ACBD6: variants seen among roughly 807,000 people sequenced by gnomAD.
The protein encoded by ACBD6 is acyl-CoA binding domain containing 6.
A neutral mutation model predicts 37.2 loss-of-function variants in ACBD6; 28 were observed. That is an observed-to-expected ratio of 0.75 (90% CI 0.56 to 1.03). The LOEUF (loss-of-function observed/expected upper bound fraction) is 1.03. ACBD6 is among the 50% of genes least tolerant of loss of function. ACBD6 has a pLI of 0.00. For synonymous variants in ACBD6, 113 were observed against 126.8 expected (o/e 0.89, Z 0.73); for missense variants, 340 against 337.4 (o/e 1.01, Z -0.06).
chr1:180,389,863 TG>T (rs1654002935), intron 6 of ACBD6, among the ~76,000 whole-genome samples: 1 of 152,208 alleles, frequency 6.6e-6, no homozygotes, highest in African/African-American at 2.4e-5. Flanking sequence ...GTTTTTTTCT[TG>T]TAAATTGGTT....
intron 5 of ACBD6, among the ~76,000 whole-genome samples, chr1:180,402,774 C>T (rs1046199663): frequency 6.7e-6 from 1 of 149,710 alleles, no homozygotes; most frequent in Non-Finnish European, 1.5e-5. Flanking sequence ...CTCCAGCCTA[C>T]GCAACACAGT....
At chr1:180,273,775 A>C (rs1272016695) in intron 11 of ACBD6, 1 of 247,614 alleles carries the variant, frequency 4.0e-6, no homozygotes, top group Non-Finnish European at 8.0e-6. Flanking sequence ...AATCAACTAA[A>C]CCAAGCCCTT....
Position 180,382,125 on chromosome 1 carries a change from A to G in ACBD6, c.663+15391T>C, listed in dbSNP as rs904919405. ...ACAAGACTGCATCTCAAAAAAAAAA[A>G]AAAAGAAAAGAAAAGGAGAAACAAG... On this transcript the variant is annotated intron_variant, in intron 6 of 7. Transcript: ENST00000367595. 2.6e-5 allele frequency among the ~76,000 whole-genome samples: 4 copies of G among 151,354 alleles called. 1 individual carries two copies. The highest frequency in any genetic ancestry group is 9.7e-5 in the African/African-American group (4 of 41,316).
At chr1:180,473,320 G>A (rs1037171172) in intron 3 of ACBD6, among the ~76,000 whole-genome samples, 1 of 150,574 alleles carries the variant, frequency 6.6e-6, no homozygotes, top group Non-Finnish European at 1.5e-5. Context: ...AGTGGCGGGC[G>A]CCTGTAGTCC....
chr1:180,461,335 A>G (rs1650138025), intron 3 of ACBD6, among the ~76,000 whole-genome samples: 1 of 152,210 alleles, frequency 6.6e-6, no homozygotes, highest in South Asian at 2.1e-4. Flanking sequence ...ATTTCAGGAT[A>G]TCATCCTTGA....
rs576222855 is a variant in ACBD6 at position 180,362,775 on chromosome 1, C to T, written c.663+34741G>A. Among the ~76,000 whole-genome samples, 196 of 151,382 alleles carry T rather than the reference C, an allele frequency of 1.3e-3. 5 individuals carry two copies. The South Asian group carries it at 0.039, about 30-fold the overall frequency. ...ATACTACTAATTTTAAAAAGACAAA[C>T]TAATAAGCAACCAAAGGGAAAAGAA... On this transcript the variant is annotated intron_variant, in intron 6 of 7. Transcript: ENST00000367595.
intron 4 of ACBD6, among the ~76,000 whole-genome samples, chr1:180,424,132 A>C (rs1287039545): frequency 6.6e-6 from 1 of 152,218 alleles, no homozygotes; most frequent in Non-Finnish European, 1.5e-5. Context: ...AAACATTTCC[A>C]GAGCCAGCAT....
At chr1:180,378,558 C>T (rs180979284) in intron 6 of ACBD6, among the ~76,000 whole-genome samples, 3 of 152,192 alleles carry the variant, frequency 2.0e-5, no homozygotes, top group African/African-American at 7.2e-5. Context: ...CTCTGCACTG[C>T]TTTTGCAACT....
At chr1:180,387,014 A>G (rs1421856559) in intron 6 of ACBD6, among the ~76,000 whole-genome samples, 1 of 152,104 alleles carries the variant, frequency 6.6e-6, no homozygotes, top group Non-Finnish European at 1.5e-5. Context: ...TAAATCTTCT[A>G]GTTTAGCAGG....
intron 3 of ACBD6, among the ~76,000 whole-genome samples, chr1:180,434,432 T>C (rs1648939482): frequency 1.3e-5 from 2 of 152,224 alleles, no homozygotes; most frequent in African/African-American, 4.8e-5. Context: ...CAGGTCTTTT[T>C]CTGATCCTAA....
chr1:180,411,038 GGATTCAA>G (rs1322694856), intron 5 of ACBD6, among the ~76,000 whole-genome samples: 34 of 152,270 alleles, frequency 2.2e-4, no homozygotes, highest in African/African-American at 8.2e-4. Flanking sequence ...ACACAGATAA[GGATTCAA>G]GACTTCAGTG....
At chr1:180,347,914 G>C (rs1652250873) in intron 6 of ACBD6, among the ~76,000 whole-genome samples, 2 of 151,714 alleles carry the variant, frequency 1.3e-5, no homozygotes, top group African/African-American at 4.9e-5. Flanking sequence ...GCGGTGAGCC[G>C]AGATTGCGCC....
chr1:180,277,627 G>A (rs1337062169), intron 9 of ACBD6: 3 of 152,216 alleles, frequency 2.0e-5, no homozygotes, highest in African/African-American at 4.8e-5. Context: ...AAGCTGGCCC[G>A]ATGGGTAAAT....
chr1:180,335,617 A>C (rs1027677852), intron 6 of ACBD6, among the ~76,000 whole-genome samples: 3 of 152,020 alleles, frequency 2.0e-5, no homozygotes, highest in East Asian at 1.9e-4. Flanking sequence ...CGAGCAAAAT[A>C]ACCAGCTAAC....
At chr1:180,321,822 G>T (rs1651083866) in intron 6 of ACBD6, among the ~76,000 whole-genome samples, 1 of 152,088 alleles carries the variant, frequency 6.6e-6, no homozygotes, top group Non-Finnish European at 1.5e-5. Context: ...ATTAAACAAA[G>T]ATAATTTGAC....
intron 6 of ACBD6, among the ~76,000 whole-genome samples, chr1:180,388,090 G>A (rs1409542476): frequency 6.6e-6 from 1 of 151,606 alleles, no homozygotes; most frequent in Non-Finnish European, 1.5e-5. Flanking sequence ...GCAGGAGAAT[G>A]GCGTGAACCC....
intron 3 of ACBD6, among the ~76,000 whole-genome samples, chr1:180,438,692 C>T (rs74132851): frequency 0.16 from 24,296 of 152,092 alleles, 1,992 homozygotes; most frequent in Middle Eastern, 0.22. Flanking sequence ...CCACCCACTG[C>T]CCCCATTACT....
intron 3 of ACBD6, among the ~76,000 whole-genome samples, chr1:180,458,150 G>A (rs1057247301): frequency 6.6e-6 from 1 of 151,996 alleles, no homozygotes; most frequent in African/African-American, 2.4e-5. Context: ...TCTTTCCTAC[G>A]GCATGGCTCA....
At chr1:180,277,626 C>A (rs951168506) in intron 9 of ACBD6, 3 of 152,150 alleles carry the variant, frequency 2.0e-5, no homozygotes, top group African/African-American at 7.2e-5. Flanking sequence ...GAAGCTGGCC[C>A]GATGGGTAAA....
Sources: allele counts gnomAD v4.1 joint callset (sites outside exome capture counted in the v4.1 genomes callset), GRCh38; gene constraint gnomAD v4.1.1; transcripts MANE v1.5; gene names NCBI Gene and HGNC (gene_info 2026-07-23, HGNC 2026-07-21).